CACNA1B: variants seen among roughly 807,000 people sequenced by gnomAD.
CACNA1B encodes calcium voltage-gated channel subunit alpha1 B.
Under a neutral mutation model 247.2 loss-of-function variants are expected in CACNA1B, and 70 were observed. The ratio of observed to expected loss-of-function variants is 0.28; its 90% CI spans 0.23 to 0.35. The LOEUF is 0.35. CACNA1B is among the 10% of genes least tolerant of loss of function. The pLI is 1.00. For missense variants in CACNA1B, 2,367 were observed against 3,197.4 expected, an observed-to-expected ratio of 0.74 and a Z score of 6.26; for synonymous variants, 1,231 against 1,294.4, an observed-to-expected ratio of 0.95 and a Z score of 1.05.
At chr9:137,966,845 T>A (rs1183024377) in intron 10 of CACNA1B, among the ~76,000 whole-genome samples, 3 of 152,132 alleles carry the variant, frequency 2.0e-5, no homozygotes, top group Non-Finnish European at 2.9e-5. Context: ...GCCAATTTTT[T>A]AAAATTTTAT....
At chr9:137,893,018 G>A (rs1302893073) in intron 3 of CACNA1B, among the ~76,000 whole-genome samples, 2 of 152,186 alleles carry the variant, frequency 1.3e-5, no homozygotes, top group African/African-American at 4.8e-5. Context: ...TGTCTCGCCT[G>A]GTGCTGGGCT....
In CACNA1B at chr9:138,020,229, G is replaced by T. The variant is rs1353982250; in HGVS notation, c.2268-2782G>T. On this transcript the variant is annotated intron_variant, in intron 18 of 46. Coordinates refer to ENST00000371372, the MANE Select transcript of CACNA1B (RefSeq NM_000718.4). The surrounding 1 kb of genome is among the most constrained non-coding windows in gnomAD (Gnocchi z 4.1). ...AAGCAGGGCCACAGAGCGCCTTGAG[G>T]CCACTTCCAAGTCCTGTAGTTCCCC... Among the ~76,000 whole-genome samples the T allele has an allele frequency of 6.6e-6, 1 of 152,126 alleles. No homozygotes were observed. Among genetic ancestry groups the T allele is most frequent in the African/African-American group, 2.4e-5 (1 of 41,424 alleles).
Position 138,102,696 on chromosome 9 carries a change from G to C in CACNA1B, c.5223-15G>C, listed in dbSNP as rs1961293639. 1 of 1,586,634 alleles carries C rather than the reference G, an allele frequency of 6.3e-7. No homozygotes were observed. The highest frequency in any genetic ancestry group is 2.3e-5 in the East Asian group (1 of 44,366). ...CACCCCACTGTGCCCTGGCCTCGCT[G>C]GGACGGGTTTCCAGTGGGCGCATCA... is the stretch of plus-strand genomic sequence containing the variant. On this transcript the variant is annotated splice_polypyrimidine_tract_variant and intron_variant, in intron 37 of 46. Coordinates refer to ENST00000371372, the MANE Select transcript of CACNA1B (RefSeq NM_000718.4). This position sits in a 1 kb window ranked among gnomAD's most constrained non-coding sequence, Gnocchi z 5.4.
At chr9:137,978,331 C>G (rs1051581347) in intron 12 of CACNA1B, among the ~76,000 whole-genome samples, 35 of 148,052 alleles carry the variant, frequency 2.4e-4, no homozygotes, top group African/African-American at 7.5e-5. Flanking sequence ...CACTTCCCCC[C>G]CCAGGAGGGA....
intron 21 of CACNA1B, among the ~76,000 whole-genome samples, chr9:138,044,258 C>G (rs1959166980): frequency 6.6e-6 from 1 of 152,260 alleles, no homozygotes; most frequent in Non-Finnish European, 1.5e-5. Flanking sequence ...CGTGTGTGCA[C>G]TGTGTTTATT....
At chr9:137,924,533 C>G (rs1274652042) in intron 6 of CACNA1B, among the ~76,000 whole-genome samples, 1 of 152,142 alleles carries the variant, frequency 6.6e-6, no homozygotes, top group Non-Finnish European at 1.5e-5. Context: ...TTCTCTCTGC[C>G]AATACCACGT....
intron 5 of CACNA1B, among the ~76,000 whole-genome samples, chr9:137,916,946 T>C (rs1675552766): frequency 6.6e-6 from 1 of 152,010 alleles, no homozygotes; most frequent in Admixed American, 6.6e-5. Flanking sequence ...TTTGTTGTTT[T>C]TAGTTTTAAG....
intron 35 of CACNA1B, 128 bp from the exon 36 acceptor site, chr9:138,077,986 C>T: frequency 1.4e-6 from 1 of 700,894 alleles, no homozygotes. Context: ...ATCTGTGACC[C>T]AGGCCTGGCA....
intron 6 of CACNA1B, among the ~76,000 whole-genome samples, chr9:137,949,109 G>GTGTGTGGTGTGTGGT (rs1564203161): frequency 2.0e-5 from 1 of 51,144 alleles, no homozygotes; most frequent in African/African-American, 6.9e-5. Context: ...TGTTTGTGGT[G>GTGTGTGGTGTGTGGT]GCTGTGTGTC....
At chr9:138,068,114 GA>G (rs1959991234) in intron 31 of CACNA1B, among the ~76,000 whole-genome samples, 1 of 152,178 alleles carries the variant, frequency 6.6e-6, no homozygotes, top group African/African-American at 2.4e-5. Context: ...GCAAGTCAAA[GA>G]AGCCTGCGGG....
At chr9:138,111,292 A>G (rs541037693) in intron 39 of CACNA1B, among the ~76,000 whole-genome samples, 1 of 152,402 alleles carries the variant, frequency 6.6e-6, no homozygotes, top group Admixed American at 6.5e-5. Flanking sequence ...TGGTGCATTC[A>G]TACAATTAAA....
At position 138,067,030 on chromosome 9, in the gene CACNA1B, G is replaced by A. The variant is rs568610134; in HGVS notation, c.4669-2728G>A. On this transcript the variant is annotated intron_variant, in intron 31 of 46. Coordinates refer to ENST00000371372, the MANE Select transcript of CACNA1B (RefSeq NM_000718.4). ...GTAAAATACACGATGTAAGGCAGGGGAGAGGGGTCATGATGGTAGGTACAG... is the reference window on the plus strand; with the variant it reads ...GTAAAATACACGATGTAAGGCAGGGAAGAGGGGTCATGATGGTAGGTACAG... Among the ~76,000 whole-genome samples, 93 of 152,318 alleles carry A rather than the reference G, an allele frequency of 6.1e-4. 1 individual carries two copies. The Middle Eastern group carries it at 0.014, about 22-fold the overall frequency.
intron 32 of CACNA1B, among the ~76,000 whole-genome samples, chr9:138,071,455 C>T (rs532112417): frequency 2.6e-5 from 4 of 152,188 alleles, no homozygotes; most frequent in South Asian, 2.1e-4. Context: ...GTCCCTTGCT[C>T]TCCTGCATGC....
intron 36 of CACNA1B, among the ~76,000 whole-genome samples, chr9:138,083,597 C>T (rs1960599454): frequency 7.4e-6 from 1 of 134,390 alleles, no homozygotes; most frequent in African/African-American, 2.8e-5. Context: ...AATCAGTGCC[C>T]TGGATGAACT....
rs896849067 is a variant in CACNA1B, at chr9:137,882,538, G to C, written c.391-206G>C. 3.9e-5 allele frequency among the ~76,000 whole-genome samples: 6 copies of C among 152,156 alleles called. No homozygotes were observed. Among genetic ancestry groups the C allele is most frequent in the African/African-American group, 1.2e-4 (5 of 41,430 alleles). On this transcript the variant is annotated intron_variant, in intron 2 of 46. Coordinates refer to ENST00000371372, the MANE Select transcript of CACNA1B (RefSeq NM_000718.4). The surrounding 1 kb of genome is among the most constrained non-coding windows in gnomAD (Gnocchi z 4.0). ...GCTGTAAACAGTGGTGTCCCCATTA[G>C]GGGACATGTGCAGACAGCAAGCAGG...
At chr9:138,120,052 G>A in intron 44 of CACNA1B, 113 bp from the exon 45 acceptor site, 1 of 891,040 alleles carries the variant, frequency 1.1e-6, no homozygotes, top group Admixed American at 2.4e-5. Flanking sequence ...GTGAGACCAG[G>A]ATGGGGGGCG....
In CACNA1B at chr9:137,955,691, A is replaced by G. The variant is rs778121445; in HGVS notation, c.1071-7A>G. 4 of 1,601,594 alleles carry G rather than the reference A, an allele frequency of 2.5e-6. No individual in the cohort carries two copies. The highest frequency in any genetic ancestry group is 2.6e-6 in the Non-Finnish European group (3 of 1,170,736). ...CTGATCTTGCTTTTCCGGCCCCTGCATGGTAGGGAGTTTGCCAAGGAGCGA... is the reference window on the plus strand; with the variant it reads ...CTGATCTTGCTTTTCCGGCCCCTGCGTGGTAGGGAGTTTGCCAAGGAGCGA... On this transcript the variant is annotated splice_region_variant and splice_polypyrimidine_tract_variant and intron_variant, in intron 7 of 46. Transcript: ENST00000371372. This position sits in a 1 kb window ranked among gnomAD's most constrained non-coding sequence, Gnocchi z 6.9.
intron 3 of CACNA1B, among the ~76,000 whole-genome samples, chr9:137,900,932 G>C (rs1326269253): frequency 7.3e-6 from 1 of 137,624 alleles, no homozygotes; most frequent in Admixed American, 7.4e-5. Flanking sequence ...GCCATGGTGT[G>C]TCTCTGTCTG....
chr9:138,041,372 C>G (rs981027795), intron 20 of CACNA1B, among the ~76,000 whole-genome samples: 2 of 152,170 alleles, frequency 1.3e-5, no homozygotes, highest in African/African-American at 4.8e-5. Context: ...TGGCATGTGG[C>G]TGTTTTTAGT....
Sources: gnomAD v4.1 joint callset for allele counts (sites outside exome capture counted in the v4.1 genomes callset) on GRCh38, gnomAD v4.1.1 for gene constraint, Gnocchi (gnomAD v3.1) non-coding constraint, MANE v1.5 for transcripts, NCBI Gene and HGNC (gene_info 2026-07-23, HGNC 2026-07-21) for gene names.